The following TEX2 variants were observed in gnomAD, a reference collection of about 807,000 sequenced individuals.
TEX2 encodes testis-expressed protein 2.
TEX2 carries 53 observed loss-of-function variants against 106.9 expected under a neutral mutation model. The ratio of observed to expected loss-of-function variants is 0.50; its 90% CI spans 0.40 to 0.62. The LOEUF is 0.62. Among genes scored for constraint, TEX2 ranks in the 20% least tolerant of loss-of-function variants. TEX2 has a pLI of 0.00. For synonymous variants in TEX2, 523 were observed against 534.8 expected (o/e 0.98, Z 0.30); for missense variants, 1,207 against 1,379.0 (o/e 0.88, Z 1.98).
chr17:64,180,820 A>C (rs893086443), intron 5 of TEX2, among the ~76,000 whole-genome samples: 2 of 152,242 alleles, frequency 1.3e-5, no homozygotes, highest in Non-Finnish European at 2.9e-5. Context: ...CTAAAACTAA[A>C]GTAGGACAGA....
intron 1 of TEX2, among the ~76,000 whole-genome samples, chr17:64,221,998 G>A (rs2033370567): frequency 6.6e-6 from 1 of 152,118 alleles, no homozygotes; most frequent in South Asian, 2.1e-4. Context: ...AAAATGAAGA[G>A]TTCCATGGGC....
At chr17:64,223,713 CTTTTTT>C (rs34897234) in intron 1 of TEX2, among the ~76,000 whole-genome samples, 9 of 110,768 alleles carry the variant, frequency 8.1e-5, no homozygotes, top group Admixed American at 5.5e-4. Context: ...AACAGAGCAT[CTTTTTT>C]TTTTTTTTTT....
chr17:64,245,670 C>T (rs998759323), intron 1 of TEX2, among the ~76,000 whole-genome samples: 46 of 152,258 alleles, frequency 3.0e-4, no homozygotes, highest in African/African-American at 9.4e-4. Flanking sequence ...ATACGATGAA[C>T]CTTTTTCACT....
chr17:64,237,299 C>G (rs2033792870), intron 1 of TEX2, among the ~76,000 whole-genome samples: 1 of 151,802 alleles, frequency 6.6e-6, no homozygotes, highest in Admixed American at 6.6e-5. Flanking sequence ...ATTATACACA[C>G]AGTATGAGAC....
At chr17:64,214,540 C>A (rs189155099) in intron 1 of TEX2, among the ~76,000 whole-genome samples, 1 of 152,170 alleles carries the variant, frequency 6.6e-6, no homozygotes, top group African/African-American at 2.4e-5. Flanking sequence ...TTTCTACCAA[C>A]AATTTTCTAT....
In TEX2 at chr17:64,214,297, G is replaced by A. The variant is rs782649750; in HGVS notation, c.-25-55C>T. The A allele has an allele frequency of 2.5e-4, 360 of 1,414,464 alleles. 1 individual carries two copies. The highest frequency in any genetic ancestry group is 4.1e-4 in the Middle Eastern group (2 of 4,862). The allele number at this position is 1,414,464 out of a possible 1,614,324, so 87.6% of individuals were successfully genotyped here. A position where few individuals can be genotyped will look rare whatever the true frequency, so the allele number is the denominator to read the frequency against. ...AGAGAGCAGTTTCTCCACAGGAGAC[G>A]CTGTCATTCGCAGATAGGAGCACAG... On this transcript the variant is annotated intron_variant, in intron 1 of 11. Coordinates refer to ENST00000584379, the MANE Select transcript of TEX2 (RefSeq NM_001288732.2).
chr17:64,216,045 G>A (rs577955574), intron 1 of TEX2, among the ~76,000 whole-genome samples: 5 of 152,280 alleles, frequency 3.3e-5, no homozygotes, highest in East Asian at 3.9e-4. Flanking sequence ...AGAAGTTACC[G>A]TAAAAACTTT....
At chr17:64,256,310 C>G (rs2034183300) in intron 1 of TEX2, among the ~76,000 whole-genome samples, 1 of 152,196 alleles carries the variant, frequency 6.6e-6, no homozygotes, top group South Asian at 2.1e-4. Context: ...CTCATAGCAT[C>G]TTGGAGGTGG....
intron 1 of TEX2, among the ~76,000 whole-genome samples, chr17:64,254,061 A>C (rs1448261272): frequency 6.6e-6 from 1 of 152,132 alleles, no homozygotes; most frequent in Admixed American, 6.5e-5. Context: ...TTACCTTCTG[A>C]AACCTTCATA....
At chr17:64,197,696 C>T (rs1428276612) in intron 2 of TEX2, among the ~76,000 whole-genome samples, 1 of 152,108 alleles carries the variant, frequency 6.6e-6, no homozygotes, top group East Asian at 1.9e-4. Context: ...GTAGCAAGGG[C>T]TACAGATACG....
chr17:64,222,247 G>A (rs964450126), intron 1 of TEX2, among the ~76,000 whole-genome samples: 4 of 152,070 alleles, frequency 2.6e-5, no homozygotes, highest in African/African-American at 7.2e-5. Context: ...TTGGTCAGGC[G>A]CGGTGGCTCA....
intron 1 of TEX2, among the ~76,000 whole-genome samples, chr17:64,261,092 T>C (rs1161004689): frequency 1.3e-5 from 2 of 152,124 alleles, no homozygotes; most frequent in African/African-American, 4.8e-5. Context: ...TCATATTAAG[T>C]AATAAACTGT....
chr17:64,218,427 TTTTTTTTTA>T (rs1567950768), intron 1 of TEX2, among the ~76,000 whole-genome samples: 2 of 61,786 alleles, frequency 3.2e-5, no homozygotes, highest in African/African-American at 8.4e-5. Flanking sequence ...TTTTTTTTTT[TTTTTTTTTA>T]AAGACAGAGT....
chr17:64,228,929 TACACACACACACACACACACACACAC>T (rs57741930), intron 1 of TEX2, among the ~76,000 whole-genome samples: 1 of 146,648 alleles, frequency 6.8e-6, no homozygotes, highest in Non-Finnish European at 1.5e-5. Flanking sequence ...GACTGACAGG[TACACACACACACACACACACACACAC>T]ACACACACAC....
At chr17:64,227,360 CAA>C (rs1448169825) in intron 1 of TEX2, among the ~76,000 whole-genome samples, 1 of 151,832 alleles carries the variant, frequency 6.6e-6, no homozygotes, top group Non-Finnish European at 1.5e-5. Context: ...CACCAATGTA[CAA>C]ATGTCTGCAC....
At chr17:64,233,724 A>C (rs948314604) in intron 1 of TEX2, among the ~76,000 whole-genome samples, 7 of 152,222 alleles carry the variant, frequency 4.6e-5, no homozygotes, top group African/African-American at 1.7e-4. Context: ...ACCATGTTAG[A>C]GGCAAGTGCT....
chr17:64,239,693 T>C (rs1338706762), intron 1 of TEX2, among the ~76,000 whole-genome samples: 1 of 151,818 alleles, frequency 6.6e-6, no homozygotes, highest in East Asian at 1.9e-4. Flanking sequence ...CTGGCCAATA[T>C]GGTGAAACCC....
chr17:64,164,739 C>T (rs1020630461), intron 7 of TEX2, among the ~76,000 whole-genome samples: 7 of 152,222 alleles, frequency 4.6e-5, no homozygotes, highest in Non-Finnish European at 8.8e-5. Flanking sequence ...AGGCCAGCTG[C>T]TGCAGCTCAG....
At chr17:64,160,745 G>C in intron 8 of TEX2, 56 bp downstream of exon 8, 1 of 1,600,240 alleles carries the variant, frequency 6.2e-7, no homozygotes, top group South Asian at 1.1e-5. Flanking sequence ...TCAAAGGCTG[G>C]AGGGAGAAGC....
Sources: allele counts gnomAD v4.1 joint callset (sites outside exome capture counted in the v4.1 genomes callset), GRCh38; gene constraint gnomAD v4.1.1; transcripts MANE v1.5; gene names NCBI Gene and HGNC (gene_info 2026-07-23, HGNC 2026-07-21).